The following UBE2E2 variants were observed in gnomAD, a reference collection of about 807,000 sequenced individuals.
UBE2E2 encodes the protein ubiquitin conjugating enzyme E2 E2.
In UBE2E2, 6 loss-of-function variants were observed where a neutral mutation model predicts 24.7. The ratio of observed to expected loss-of-function variants is 0.24; its 90% CI spans 0.13 to 0.48. The LOEUF (loss-of-function observed/expected upper bound fraction) is 0.48, where lower values mean the gene tolerates loss of function less well. Ranked by LOEUF, UBE2E2 falls within the 20% of genes least tolerant of loss-of-function variation. UBE2E2 has a pLI of 0.99. For missense variants in UBE2E2, 169 were observed against 245.0 expected (o/e 0.69, Z 2.07); for synonymous variants, 104 against 83.6 (o/e 1.24, Z -1.33).
chr3:23,236,683 G>A (rs35892300), intron 3 of UBE2E2, among the ~76,000 whole-genome samples: 11,384 of 152,094 alleles, frequency 0.075, 542 homozygotes, highest in Non-Finnish European at 0.092. Context: ...CATTTTTGCC[G>A]TTGAGAAAGC....
At chr3:23,396,669 GTC>G (rs895871294) in intron 3 of UBE2E2, among the ~76,000 whole-genome samples, 3 of 151,928 alleles carry the variant, frequency 2.0e-5, no homozygotes, top group Admixed American at 1.3e-4. Context: ...TAACCTTTCT[GTC>G]TCTCTGTTTC....
intron 3 of UBE2E2, among the ~76,000 whole-genome samples, chr3:23,381,986 C>T (rs1307584104): frequency 6.6e-6 from 1 of 152,180 alleles, no homozygotes; most frequent in South Asian, 2.1e-4. Context: ...AAAGATTCTT[C>T]TCCATTCCCC....
chr3:23,355,962 C>G (rs925196689), intron 3 of UBE2E2, among the ~76,000 whole-genome samples: 3 of 152,210 alleles, frequency 2.0e-5, no homozygotes, highest in African/African-American at 7.2e-5. Flanking sequence ...TTGTTTTACA[C>G]AGGAGGCTGC....
At chr3:23,509,939 G>A (rs951801371) in intron 4 of UBE2E2, among the ~76,000 whole-genome samples, 4 of 151,958 alleles carry the variant, frequency 2.6e-5, no homozygotes, top group African/African-American at 7.3e-5. Flanking sequence ...AGTATTCCAT[G>A]GTGTATATGT....
At chr3:23,449,388 A>T (rs1342194973) in intron 3 of UBE2E2, among the ~76,000 whole-genome samples, 2 of 152,234 alleles carry the variant, frequency 1.3e-5, no homozygotes, top group East Asian at 1.9e-4. Context: ...CAGAATGTTC[A>T]CAAGAAGTAA....
chr3:23,375,843 G>T (rs1031445284), intron 3 of UBE2E2, among the ~76,000 whole-genome samples: 5 of 152,104 alleles, frequency 3.3e-5, no homozygotes, highest in Admixed American at 2.6e-4. Context: ...TATTACACCA[G>T]AATCTTTCCT....
chr3:23,435,574 C>G (rs566170095), intron 3 of UBE2E2, among the ~76,000 whole-genome samples: 1 of 152,256 alleles, frequency 6.6e-6, no homozygotes, highest in South Asian at 2.1e-4. Flanking sequence ...AGTGGGGTCA[C>G]GTGGAGTTGC....
intron 3 of UBE2E2, among the ~76,000 whole-genome samples, chr3:23,493,973 T>C (rs1373748258): frequency 1.3e-5 from 2 of 152,234 alleles, no homozygotes; most frequent in East Asian, 3.8e-4. Context: ...AGATTTGTGC[T>C]ATAATGATCT....
At chr3:23,371,030 T>A (rs546862569) in intron 3 of UBE2E2, among the ~76,000 whole-genome samples, 12 of 152,326 alleles carry the variant, frequency 7.9e-5, no homozygotes, top group South Asian at 2.1e-4. Flanking sequence ...TTTTTTATTT[T>A]AAAAAATTTT....
chr3:23,273,261 C>A (rs1352993500), intron 3 of UBE2E2, among the ~76,000 whole-genome samples: 1 of 152,062 alleles, frequency 6.6e-6, no homozygotes, highest in Non-Finnish European at 1.5e-5. Flanking sequence ...ATGATGGGGC[C>A]GGGCGCAGTG....
At chr3:23,242,256 T>G (rs926217562) in intron 3 of UBE2E2, among the ~76,000 whole-genome samples, 9 of 152,064 alleles carry the variant, frequency 5.9e-5, no homozygotes, top group African/African-American at 2.2e-4. Flanking sequence ...TTAAAGTTGT[T>G]TTTAGTATGA....
intron 3 of UBE2E2, chr3:23,273,673 T>C (rs1698310828): frequency 6.6e-6 from 1 of 152,266 alleles, no homozygotes; most frequent in African/African-American, 2.4e-5. Flanking sequence ...AGTGACATTA[T>C]TGTATACTTT....
intron 3 of UBE2E2, among the ~76,000 whole-genome samples, chr3:23,494,875 G>C (rs992523489): frequency 2.0e-5 from 3 of 151,808 alleles, no homozygotes; most frequent in Non-Finnish European, 2.9e-5. Context: ...CCTGGGATAG[G>C]AGTATTTCAG....
At chr3:23,206,280 T>C (rs1386709484) in intron 1 of UBE2E2, among the ~76,000 whole-genome samples, 1 of 152,130 alleles carries the variant, frequency 6.6e-6, no homozygotes, top group Non-Finnish European at 1.5e-5. Flanking sequence ...ACTTCTGATA[T>C]ATTTTAACTG....
rs545034226 is a variant in UBE2E2 at position 23,557,771 on chromosome 3, C to A, written c.508+25070C>A. 2.0e-5 allele frequency among the ~76,000 whole-genome samples: 3 copies of A among 152,296 alleles called. No homozygotes were observed. In the East Asian group the frequency reaches 5.8e-4, roughly 29 times the overall value. ...ACTTTTTCAAATATAAGGAGCATAG[C>A]AGCCTCATCTATAACTTTTTCCAAA... On this transcript the variant is annotated intron_variant, in intron 5 of 5. Transcript: ENST00000396703.
intron 3 of UBE2E2, among the ~76,000 whole-genome samples, chr3:23,316,509 A>G (rs1694585382): frequency 6.6e-6 from 1 of 151,932 alleles, no homozygotes; most frequent in Non-Finnish European, 1.5e-5. Flanking sequence ...CCCGTAGGGC[A>G]GTGGTCTCCC....
intron 3 of UBE2E2, among the ~76,000 whole-genome samples, chr3:23,365,775 A>G (rs1696242738): frequency 6.6e-6 from 1 of 152,226 alleles, no homozygotes; most frequent in Admixed American, 6.5e-5. Context: ...TTAAATTCGT[A>G]TGGAACCAAA....
intron 3 of UBE2E2, among the ~76,000 whole-genome samples, chr3:23,310,234 G>A (rs545524213): frequency 2.7e-5 from 4 of 150,668 alleles, no homozygotes; most frequent in Non-Finnish European, 4.4e-5. Flanking sequence ...CTGAATTAGA[G>A]TTACCAATTA....
At chr3:23,538,925 G>A (rs1431492789) in intron 5 of UBE2E2, among the ~76,000 whole-genome samples, 1 of 152,140 alleles carries the variant, frequency 6.6e-6, no homozygotes, top group African/African-American at 2.4e-5. Context: ...AGATACTGGT[G>A]TATAATAATG....
Sources: allele counts gnomAD v4.1 joint callset (sites outside exome capture counted in the v4.1 genomes callset), GRCh38; gene constraint gnomAD v4.1.1; transcripts MANE v1.5; gene names NCBI Gene and HGNC (gene_info 2026-07-23, HGNC 2026-07-21).